The following SEC24D variants were observed in gnomAD, a reference collection of about 807,000 sequenced individuals.
The protein encoded by SEC24D is SEC24 homolog D, COPII component.
Under a neutral mutation model 116.9 loss-of-function variants are expected in SEC24D, and 69 were observed. That is an observed-to-expected ratio of 0.59 (90% CI 0.49 to 0.72). SEC24D has a LOEUF of 0.72. Ranked by LOEUF, SEC24D falls within the 30% of genes least tolerant of loss-of-function variation. The probability of loss-of-function intolerance (pLI) is 0.00; values close to 1 mark genes in which losing one functional copy is unlikely to be tolerated. For synonymous variants in SEC24D, 405 were observed against 442.8 expected, an observed-to-expected ratio of 0.91 and a Z score of 1.07; for missense variants, 1,131 against 1,264.1, an observed-to-expected ratio of 0.89 and a Z score of 1.60.
At chr4:118,758,094 C>T (rs748117231) in intron 10 of SEC24D, among the ~76,000 whole-genome samples, 34 of 152,196 alleles carry the variant, frequency 2.2e-4, no homozygotes, top group Non-Finnish European at 1.5e-4. Context: ...ACTATTACGA[C>T]ATCTAGCACA....
At chr4:118,820,564 G>A (rs1335203692) in intron 3 of SEC24D, among the ~76,000 whole-genome samples, 1 of 152,106 alleles carries the variant, frequency 6.6e-6, no homozygotes, top group Admixed American at 6.5e-5. Context: ...TCCTGCCCTA[G>A]TGTAGAAACC....
chr4:118,724,251 T>C lies in SEC24D; in HGVS notation c.2959-596A>G, dbSNP rs114080826. 7.4e-3 allele frequency among the ~76,000 whole-genome samples: 1,132 copies of C among 152,004 alleles called. 7 individuals carry two copies. The highest frequency in any genetic ancestry group is 0.025 in the African/African-American group (1,053 of 41,434). ...GCAGTGGAGGTGGAAAGGGGGTAGA[T>C]TGGAGAGATGCTAGAGAGGTTAACA... On this transcript the variant is annotated intron_variant, in intron 22 of 22. Coordinates refer to ENST00000280551, the MANE Select transcript of SEC24D (RefSeq NM_014822.4).
At chr4:118,792,653 G>A (rs767263934) in intron 8 of SEC24D, among the ~76,000 whole-genome samples, 6 of 152,142 alleles carry the variant, frequency 3.9e-5, no homozygotes, top group East Asian at 3.9e-4. Flanking sequence ...GATTAAGGGC[G>A]GTGCAAGATG....
In SEC24D at chr4:118,751,927, A is replaced by G. The variant is rs78672826; in HGVS notation, c.1707+69T>C. On this transcript the variant is annotated intron_variant, in intron 13 of 22. Coordinates refer to ENST00000280551, the MANE Select transcript of SEC24D (RefSeq NM_014822.4). ...GACTGTCTTTTCTTTCATAAATGAA[A>G]CTTTCTTATTTTTTGTCTCTCTGTT... The G allele has an allele frequency of 1.1e-3, 1,239 of 1,084,004 alleles. 8 individuals carry two copies. In the African/African-American group the frequency reaches 0.017, roughly 15 times the overall value. The allele number at this position is 1,084,004 out of a possible 1,614,324, so 67.1% of individuals were successfully genotyped here. A position where few individuals can be genotyped will look rare whatever the true frequency, so the allele number is the denominator to read the frequency against.
chr4:118,807,653 A>G (rs1350311098), intron 6 of SEC24D, among the ~76,000 whole-genome samples: 9 of 152,158 alleles, frequency 5.9e-5, no homozygotes, highest in Non-Finnish European at 1.3e-4. Context: ...CAAACTCTGA[A>G]ATGTTGCTTT....
chr4:118,791,649 C>T (rs1208448984), intron 8 of SEC24D, among the ~76,000 whole-genome samples: 3 of 152,132 alleles, frequency 2.0e-5, no homozygotes, highest in African/African-American at 7.2e-5. Context: ...CTCAGCCTGC[C>T]GAGTGCCTGG....
intron 21 of SEC24D, chr4:118,730,885 G>A (rs544226357): frequency 5.4e-6 from 1 of 183,586 alleles, no homozygotes; most frequent in East Asian, 1.5e-4. Flanking sequence ...CACCAGGGAT[G>A]AGTCCAGAGC....
At chr4:118,803,792 A>T (rs1016921806) in intron 7 of SEC24D, among the ~76,000 whole-genome samples, 3 of 152,198 alleles carry the variant, frequency 2.0e-5, no homozygotes, top group Non-Finnish European at 1.5e-5. Context: ...CCACTCTGTA[A>T]TATGAGAATG....
intron 2 of SEC24D, chr4:118,825,596 C>T (rs745586033): frequency 4.4e-6 from 2 of 456,212 alleles, no homozygotes; most frequent in South Asian, 3.1e-5. Flanking sequence ...AGAAGCTTAT[C>T]TTTAAGGACC....
At chr4:118,738,789 T>C (rs1314392202) in intron 18 of SEC24D, among the ~76,000 whole-genome samples, 2 of 152,174 alleles carry the variant, frequency 1.3e-5, no homozygotes, top group Non-Finnish European at 2.9e-5. Context: ...GTTATCATGG[T>C]ATGGATAAGC....
chr4:118,820,415 G>A (rs565313609), intron 3 of SEC24D, among the ~76,000 whole-genome samples: 48 of 152,102 alleles, frequency 3.2e-4, no homozygotes, highest in Non-Finnish European at 5.9e-4. Context: ...TCGTGACCTC[G>A]TGATCCGCCC....
rs909722303 is a variant in SEC24D, at chr4:118,744,851, A to G, written c.1824+93T>C. ...GCCCTGGACTTAATTTATGAGATTT[A>G]GTTTCTCCCCTTTTTTCTTACATGA... On this transcript the variant is annotated intron_variant, in intron 14 of 22. Coordinates refer to ENST00000280551, the MANE Select transcript of SEC24D (RefSeq NM_014822.4). 4.3e-5 allele frequency: 30 copies of G among 702,520 alleles called. No homozygotes were observed. The South Asian group carries it at 5.2e-4, about 12-fold the overall frequency. 43.5% of individuals were successfully genotyped at this position (702,520 alleles called of 1,614,324 possible).
rs151218497 is a variant in SEC24D at position 118,812,559 on chromosome 4, G to C, written c.801+2469C>G. On this transcript the variant is annotated intron_variant, in intron 6 of 22. Coordinates refer to ENST00000280551, the MANE Select transcript of SEC24D (RefSeq NM_014822.4). ...AGGACGTGGAGGGAGAATGCCAGTG[G>C]AAGAGCACACTGACAGACATGGGAA... Among the ~76,000 whole-genome samples, 10 of 152,300 alleles carry C rather than the reference G, an allele frequency of 6.6e-5. No homozygotes were observed. In the East Asian group the frequency reaches 1.4e-3, roughly 21 times the overall value.
chr4:118,744,872 C>T (rs1284331097), intron 14 of SEC24D, 72 bp downstream of exon 14: 2 of 807,158 alleles, frequency 2.5e-6, no homozygotes, highest in Admixed American at 2.2e-5. Context: ...TTTTTTCTTA[C>T]ATGAAGAACA....
intron 12 of SEC24D, 51 bp downstream of exon 12, chr4:118,752,646 A>T: frequency 7.5e-7 from 1 of 1,334,562 alleles, no homozygotes; most frequent in Non-Finnish European, 1.0e-6. Context: ...CAGTGCAATT[A>T]AAGACAAAAC....
At chr4:118,768,096 C>T (rs1727723213) in intron 9 of SEC24D, 77 bp downstream of exon 9, 18 of 1,247,446 alleles carry the variant, frequency 1.4e-5, no homozygotes, top group East Asian at 2.4e-5. Context: ...AGAATGTATG[C>T]TTCTCCTAAA....
At chr4:118,799,304 A>C (rs532236918) in intron 7 of SEC24D, among the ~76,000 whole-genome samples, 76 of 152,326 alleles carry the variant, frequency 5.0e-4, no homozygotes, top group African/African-American at 1.8e-3. Context: ...ATTGCCACCA[A>C]CTGACAAAGT....
chr4:118,813,992 C>G (rs987418107), intron 6 of SEC24D, among the ~76,000 whole-genome samples: 4 of 152,192 alleles, frequency 2.6e-5, no homozygotes, highest in African/African-American at 9.6e-5. Context: ...TAGTGCTAAG[C>G]TACTGTTTTG....
rs568122805 is a variant in SEC24D at position 118,765,066 on chromosome 4, C to G, written c.1181-149G>C. ...GAATGTAGTATACCGTAAATACCTA[C>G]TATTTTAAAAACATGTCTTGGAAAA... On this transcript the variant is annotated intron_variant, in intron 9 of 22. Transcript: ENST00000280551. 7 of 550,694 alleles carry G rather than the reference C, an allele frequency of 1.3e-5. No homozygotes were observed. The East Asian group carries it at 2.1e-4, about 16-fold the overall frequency. 34.1% of individuals were successfully genotyped at this position (550,694 alleles called of 1,614,324 possible).
Sources: gnomAD v4.1 joint callset for allele counts (sites outside exome capture counted in the v4.1 genomes callset) on GRCh38, gnomAD v4.1.1 for gene constraint, MANE v1.5 for transcripts, NCBI Gene and HGNC (gene_info 2026-07-23, HGNC 2026-07-21) for gene names.